The following CTNNA2 variants were observed in gnomAD, a reference collection of about 807,000 sequenced individuals.
CTNNA2 encodes the protein catenin alpha 2, also known as catenin alpha-2.
In CTNNA2, 42 loss-of-function variants were observed where a neutral mutation model predicts 101.0. The ratio of observed to expected loss-of-function variants is 0.42; its 90% CI spans 0.32 to 0.54. The LOEUF is 0.54. Among genes scored for constraint, CTNNA2 ranks in the 20% least tolerant of loss-of-function variants. The pLI is 0.14. For missense variants in CTNNA2, 871 were observed against 1,223.1 expected, an observed-to-expected ratio of 0.71 and a Z score of 4.29; for synonymous variants, 450 against 456.4, an observed-to-expected ratio of 0.99 and a Z score of 0.18.
intron 3 of CTNNA2, among the ~76,000 whole-genome samples, chr2:79,345,468 C>T (rs1486090367): frequency 6.6e-6 from 1 of 152,120 alleles, no homozygotes. Flanking sequence ...ACAAAAATAA[C>T]GCAAAGACAA....
At chr2:80,589,584 A>G in intron 15 of CTNNA2, 99 bp downstream of exon 15, 8 of 1,148,004 alleles carry the variant, frequency 7.0e-6, no homozygotes, top group Non-Finnish European at 9.9e-6. Flanking sequence ...ATTAAAATAT[A>G]CCAACGCAAG....
intron 2 of CTNNA2, among the ~76,000 whole-genome samples, chr2:79,272,109 G>T (rs1000776108): frequency 6.6e-6 from 1 of 151,982 alleles, no homozygotes; most frequent in Non-Finnish European, 1.5e-5. Context: ...ACCTCTGTTA[G>T]CTTTTCTAAG....
At chr2:80,107,277 G>A (rs555512991) in intron 7 of CTNNA2, among the ~76,000 whole-genome samples, 1 of 152,124 alleles carries the variant, frequency 6.6e-6, no homozygotes, top group Non-Finnish European at 1.5e-5. Context: ...GGCTCACCCT[G>A]CTCCCCATCC....
intron 7 of CTNNA2, among the ~76,000 whole-genome samples, chr2:80,314,697 C>A (rs1440006785): frequency 6.6e-6 from 1 of 152,152 alleles, no homozygotes; most frequent in Non-Finnish European, 1.5e-5. Context: ...CCTCATGGTT[C>A]TATGTCAATG....
At chr2:80,152,639 A>T (rs1703777828) in intron 7 of CTNNA2, among the ~76,000 whole-genome samples, 1 of 152,088 alleles carries the variant, frequency 6.6e-6, no homozygotes, top group Non-Finnish European at 1.5e-5. Context: ...CCAAAAAGGG[A>T]CAAGAGAAAT....
chr2:79,421,813 G>T (rs1204784346), intron 4 of CTNNA2, among the ~76,000 whole-genome samples: 1 of 152,106 alleles, frequency 6.6e-6, no homozygotes, highest in Non-Finnish European at 1.5e-5. Flanking sequence ...ACACTAAATC[G>T]AGTAGCTATG....
chr2:80,642,936 TAAG>T (rs1673650330), intron 18 of CTNNA2, among the ~76,000 whole-genome samples: 1 of 152,090 alleles, frequency 6.6e-6, no homozygotes, highest in South Asian at 2.1e-4. Flanking sequence ...TGAGTGGTAT[TAAG>T]AAGAGTAGGA....
intron 3 of CTNNA2, among the ~76,000 whole-genome samples, chr2:79,753,265 A>G (rs1337338374): frequency 6.6e-6 from 1 of 152,206 alleles, no homozygotes; most frequent in Non-Finnish European, 1.5e-5. Context: ...TTTATATGGT[A>G]TGTAACTGCA....
At chr2:79,771,139 G>A (rs1468275860) in intron 3 of CTNNA2, among the ~76,000 whole-genome samples, 1 of 152,116 alleles carries the variant, frequency 6.6e-6, no homozygotes, top group Non-Finnish European at 1.5e-5. Context: ...AGAGAAATTT[G>A]TGGTTTGTAC....
intron 7 of CTNNA2, among the ~76,000 whole-genome samples, chr2:80,116,670 T>G (rs1701541494): frequency 6.6e-6 from 1 of 152,094 alleles, no homozygotes; most frequent in African/African-American, 2.4e-5. Context: ...GTTTAGATAT[T>G]TTAGGATGAC....
At chr2:79,897,991 A>G (rs1684829120) in intron 6 of CTNNA2, among the ~76,000 whole-genome samples, 2 of 152,180 alleles carry the variant, frequency 1.3e-5, no homozygotes, top group African/African-American at 4.8e-5. Flanking sequence ...CCAATCAGCT[A>G]TTAAACGTGC....
intron 15 of CTNNA2, among the ~76,000 whole-genome samples, chr2:80,590,269 G>A (rs565203626): frequency 2.0e-5 from 3 of 152,176 alleles, no homozygotes; most frequent in Non-Finnish European, 4.4e-5. Context: ...TGAATTTTGA[G>A]TCAGAATATC....
chr2:79,247,726 G>T (rs181536229), intron 2 of CTNNA2, among the ~76,000 whole-genome samples: 231 of 152,274 alleles, frequency 1.5e-3, no homozygotes, highest in African/African-American at 5.1e-3. Flanking sequence ...TTCTGGATTT[G>T]CCAGGTGGGC....
chr2:80,249,716 G>A (rs796287010), intron 7 of CTNNA2, among the ~76,000 whole-genome samples: 16 of 152,234 alleles, frequency 1.1e-4, no homozygotes, highest in African/African-American at 3.6e-4. Context: ...ACATTCAGCT[G>A]CCTGTCAACA....
intron 7 of CTNNA2, among the ~76,000 whole-genome samples, chr2:80,250,272 A>G (rs373753091): frequency 6.6e-6 from 1 of 151,798 alleles, no homozygotes; most frequent in Admixed American, 6.6e-5. Context: ...TTGAATGACT[A>G]TAGGGAATCC....
At chr2:80,426,763 A>G (rs1201215017) in intron 9 of CTNNA2, among the ~76,000 whole-genome samples, 1 of 151,810 alleles carries the variant, frequency 6.6e-6, no homozygotes, top group Non-Finnish European at 1.5e-5. Context: ...CCAACAAGGA[A>G]TCAGCCACAC....
At chr2:80,561,827 A>ATTTTTTTTTTTTTT (rs368503035) in intron 12 of CTNNA2, among the ~76,000 whole-genome samples, 2 of 123,578 alleles carry the variant, frequency 1.6e-5, no homozygotes, top group Non-Finnish European at 3.4e-5. Flanking sequence ...CGCCTGGCTA[A>ATTTTTTTTTTTTTT]TTTTTTTTTT....
chr2:79,555,085 T>G (rs1015588842), intron 1 of CTNNA2, among the ~76,000 whole-genome samples: 1 of 152,188 alleles, frequency 6.6e-6, no homozygotes, highest in Non-Finnish European at 1.5e-5. Context: ...CAGTCAAGAG[T>G]CTAGCACTCT....
intron 1 of CTNNA2, among the ~76,000 whole-genome samples, chr2:79,631,970 G>T (rs1325813300): frequency 2.0e-5 from 3 of 151,966 alleles, no homozygotes; most frequent in Non-Finnish European, 2.9e-5. Context: ...TTCTATAAAG[G>T]CAATTCACAT....
Sources: gnomAD v4.1 joint callset for allele counts (sites outside exome capture counted in the v4.1 genomes callset) on GRCh38, gnomAD v4.1.1 for gene constraint, MANE v1.5 for transcripts, NCBI Gene and HGNC (gene_info 2026-07-23, HGNC 2026-07-21) for gene names.